The following RBM33 variants were observed in gnomAD, a reference collection of about 807,000 sequenced individuals.
RBM33 encodes the protein RNA binding motif protein 33, also known as RNA-binding protein 33.
In RBM33, 28 loss-of-function variants were observed where a neutral mutation model predicts 132.6. The observed-to-expected ratio is 0.21, with a 90% CI of 0.16 to 0.29. The LOEUF (loss-of-function observed/expected upper bound fraction) is 0.29. Ranked by LOEUF, RBM33 falls within the 10% of genes least tolerant of loss-of-function variation. RBM33 has a pLI of 1.00. For synonymous variants in RBM33, 634 were observed against 593.0 expected, an observed-to-expected ratio of 1.07 and a Z score of -1.01; for missense variants, 1,291 against 1,518.5, an observed-to-expected ratio of 0.85 and a Z score of 2.49.
chr7:155,648,293 T>C (rs975565532), intron 1 of RBM33, among the ~76,000 whole-genome samples: 2 of 152,208 alleles, frequency 1.3e-5, no homozygotes, highest in Non-Finnish European at 2.9e-5. Context: ...GTTAAGACTT[T>C]AGATACTAAA....
At chr7:155,757,907 T>C (rs1801904581) in intron 14 of RBM33, among the ~76,000 whole-genome samples, 1 of 151,046 alleles carries the variant, frequency 6.6e-6, no homozygotes, top group South Asian at 2.1e-4. Context: ...GCATGTGCCA[T>C]GCACTCTGAA....
intron 6 of RBM33, among the ~76,000 whole-genome samples, chr7:155,704,292 T>TCA (rs1800051048): frequency 1.3e-5 from 2 of 152,202 alleles, no homozygotes; most frequent in Non-Finnish European, 2.9e-5. Flanking sequence ...CTATCAGGAT[T>TCA]GTGGAAATTA....
intron 11 of RBM33, 21 bp downstream of exon 11, chr7:155,738,424 C>T: frequency 6.3e-7 from 1 of 1,581,034 alleles, no homozygotes; most frequent in South Asian, 1.1e-5. Flanking sequence ...CTGAGTGAAC[C>T]TCCAGGGAAA....
rs992682201 is a variant in RBM33 at position 155,766,885 on chromosome 7, A to G, written c.3375+230A>G. On this transcript the variant is annotated intron_variant, in intron 16 of 17. Coordinates refer to ENST00000401878, the MANE Select transcript of RBM33 (RefSeq NM_053043.3). ...ATAAATTTTAAGAAATAAATACCCC[A>G]GCTGAACAGATTATCCTTTGAGATC... 17 of 556,662 alleles carry G rather than the reference A, an allele frequency of 3.1e-5. No individual in the cohort carries two copies. The Middle Eastern group carries it at 1.4e-3, about 46-fold the overall frequency. 34.5% of individuals were successfully genotyped at this position (556,662 alleles called of 1,614,324 possible).
intron 3 of RBM33, among the ~76,000 whole-genome samples, chr7:155,673,703 T>TACACACGTGTATATATATACAC (rs1563137843): frequency 3.9e-5 from 5 of 127,588 alleles, no homozygotes; most frequent in African/African-American, 1.8e-4. Flanking sequence ...CATATATACA[T>TACACACGTGTATATATATACAC]ACACACGTGT....
intron 2 of RBM33, among the ~76,000 whole-genome samples, chr7:155,667,686 G>C (rs933975408): frequency 6.6e-6 from 1 of 152,202 alleles, no homozygotes; most frequent in Admixed American, 6.5e-5. Context: ...CCTCCTGAGT[G>C]CCCACTTCAG....
At chr7:155,673,261 T>C (rs1020292511) in intron 3 of RBM33, among the ~76,000 whole-genome samples, 16 of 152,138 alleles carry the variant, frequency 1.1e-4, no homozygotes, top group African/African-American at 3.9e-4. Flanking sequence ...ATTTCACTTT[T>C]TGGAGGCATT....
intron 16 of RBM33, among the ~76,000 whole-genome samples, chr7:155,769,977 G>A (rs912060866): frequency 1.3e-5 from 2 of 152,216 alleles, no homozygotes; most frequent in Admixed American, 1.3e-4. Flanking sequence ...GAAGAGACCT[G>A]TGTGAGAACA....
intron 1 of RBM33, among the ~76,000 whole-genome samples, chr7:155,661,152 T>A (rs1274134454): frequency 2.3e-5 from 3 of 131,868 alleles, no homozygotes; most frequent in Non-Finnish European, 3.4e-5. Context: ...ATATATTTTT[T>A]TTTTTTTGAG....
chr7:155,767,769 A>G (rs985708065), intron 16 of RBM33, among the ~76,000 whole-genome samples: 3 of 152,228 alleles, frequency 2.0e-5, no homozygotes, highest in Admixed American at 1.3e-4. Context: ...GCAGTTAGGA[A>G]TACTTCATCA....
chr7:155,720,809 C>T (rs984725063), intron 9 of RBM33, among the ~76,000 whole-genome samples: 4 of 152,124 alleles, frequency 2.6e-5, no homozygotes, highest in African/African-American at 4.8e-5. Context: ...TGGCCGTATG[C>T]CCCTCAGTTT....
At chr7:155,653,554 C>A in intron 1 of RBM33, among the ~76,000 whole-genome samples, 1 of 140,920 alleles carries the variant, frequency 7.1e-6, no homozygotes, top group South Asian at 2.4e-4. Context: ...TTAGAACGTT[C>A]AGGCTCAACC....
chr7:155,713,914 C>T (rs1264618331), intron 8 of RBM33, among the ~76,000 whole-genome samples: 2 of 152,030 alleles, frequency 1.3e-5, no homozygotes, highest in Non-Finnish European at 1.5e-5. Flanking sequence ...GAGTCCTCCA[C>T]AGCTGGGGCA....
At position 155,711,330 on chromosome 7, in the gene RBM33, T is replaced by C; in HGVS notation, c.1076T>C (p.Met359Thr). Reference sequence around the variant, plus strand: ...CACCACCCATCCCCGCCTCAGGGAATGCACATGCCTCCCCAGCTAGAGACC... The same window carrying C: ...CACCACCCATCCCCGCCTCAGGGAACGCACATGCCTCCCCAGCTAGAGACC... ...HPHHPSPPQG[M>T]HMPPQLETPR... is the part of the protein sequence containing the mutation. Residue 359 changes from methionine to threonine, a missense_variant, in exon 8 of 18, where the codon ATG becomes ACG. By Grantham distance (81) the Met-to-Thr change is moderately conservative (BLOSUM62 -1). Coordinates refer to ENST00000401878, the MANE Select transcript of RBM33 (RefSeq NM_053043.3). 1 of 1,605,060 alleles carries C rather than the reference T, an allele frequency of 6.2e-7. No homozygotes were observed. Among genetic ancestry groups the C allele is most frequent in the Non-Finnish European group, 8.5e-7 (1 of 1,176,046 alleles).
At chr7:155,659,155 T>C (rs1036811807) in intron 1 of RBM33, among the ~76,000 whole-genome samples, 3 of 152,162 alleles carry the variant, frequency 2.0e-5, no homozygotes, top group African/African-American at 7.2e-5. Flanking sequence ...TACATTGCAA[T>C]GTACAGAATA....
intron 5 of RBM33, among the ~76,000 whole-genome samples, chr7:155,697,730 A>G (rs1389193319): frequency 6.6e-6 from 1 of 152,206 alleles, no homozygotes; most frequent in Non-Finnish European, 1.5e-5. Flanking sequence ...AATATATACA[A>G]GTCTGAGTAT....
At chr7:155,758,182 C>T (rs1373854217) in intron 14 of RBM33, among the ~76,000 whole-genome samples, 1 of 152,218 alleles carries the variant, frequency 6.6e-6, no homozygotes, top group African/African-American at 2.4e-5. Context: ...GATTATTTCA[C>T]TGCCAGTACT....
chr7:155,664,161 A>C (rs1585409181), intron 1 of RBM33, among the ~76,000 whole-genome samples: 1 of 152,210 alleles, frequency 6.6e-6, no homozygotes, highest in Non-Finnish European at 1.5e-5. Context: ...TGTGTGCAAA[A>C]TAAGCAGTTA....
chr7:155,710,479 C>G (rs1234989806), intron 7 of RBM33, among the ~76,000 whole-genome samples: 1 of 152,226 alleles, frequency 6.6e-6, no homozygotes, highest in Non-Finnish European at 1.5e-5. Flanking sequence ...TCTCTAGTGA[C>G]TGTTTGATAA....
Sources: allele counts gnomAD v4.1 joint callset (sites outside exome capture counted in the v4.1 genomes callset), GRCh38; gene constraint gnomAD v4.1.1; transcripts MANE v1.5; gene names NCBI Gene and HGNC (gene_info 2026-07-23, HGNC 2026-07-21).